The following CYP27A1 variants were observed in gnomAD, a reference collection of about 807,000 sequenced individuals.
The protein encoded by CYP27A1 is sterol 26-hydroxylase, mitochondrial.
CYP27A1 carries 46 observed loss-of-function variants against 58.2 expected under a neutral mutation model. That is an observed-to-expected ratio of 0.79 (90% CI 0.62 to 1.01). CYP27A1 has a LOEUF of 1.01. Ranked by LOEUF, CYP27A1 falls within the 50% of genes least tolerant of loss-of-function variation. The probability of loss-of-function intolerance (pLI) is 0.00; values close to 1 mark genes in which losing one functional copy is unlikely to be tolerated. For synonymous variants in CYP27A1, 274 were observed against 285.1 expected, an observed-to-expected ratio of 0.96 and a Z score of 0.39; for missense variants, 704 against 687.0, an observed-to-expected ratio of 1.02 and a Z score of -0.28.
At chr2:218,786,076 C>T (rs1943437830) in intron 1 of CYP27A1, among the ~76,000 whole-genome samples, 1 of 152,140 alleles carries the variant, frequency 6.6e-6, no homozygotes, top group African/African-American at 2.4e-5. Context: ...CCCTTGAGTT[C>T]AGGAGTTTGA....
intron 1 of CYP27A1, among the ~76,000 whole-genome samples, chr2:218,786,268 C>T (rs1943439656): frequency 6.6e-6 from 1 of 152,094 alleles, no homozygotes. Flanking sequence ...CCCTAATTAG[C>T]TTACCTCTGT....
chr2:218,800,495 C>T (rs1020795095), intron 1 of CYP27A1, among the ~76,000 whole-genome samples: 2 of 152,044 alleles, frequency 1.3e-5, no homozygotes, highest in African/African-American at 2.4e-5. Flanking sequence ...TAAAAATTAC[C>T]TTTAAAAAAA....
intron 1 of CYP27A1, among the ~76,000 whole-genome samples, chr2:218,800,535 T>C (rs2105975348): frequency 6.6e-6 from 1 of 152,336 alleles, no homozygotes; most frequent in Non-Finnish European, 1.5e-5. Context: ...GATTACATGC[T>C]AATTTTGTGG....
chr2:218,791,259 G>A (rs1432747883), intron 1 of CYP27A1, among the ~76,000 whole-genome samples: 1 of 152,204 alleles, frequency 6.6e-6, no homozygotes, highest in South Asian at 2.1e-4. Context: ...CATGATGTAG[G>A]TTAACAGGAG....
intron 2 of CYP27A1, among the ~76,000 whole-genome samples, chr2:218,810,344 G>C (rs6709815): frequency 1.3e-5 from 2 of 151,960 alleles, no homozygotes; most frequent in African/African-American, 4.8e-5. Flanking sequence ...TTAGGTTGCA[G>C]GTTTTCACTG....
At position 218,814,024 on chromosome 2, in the gene CYP27A1, T is replaced by C. The variant is rs1270852279; in HGVS notation, c.1021T>C (p.Ser341Pro). The C allele has an allele frequency of 6.2e-7, 1 of 1,614,136 alleles. No homozygotes were observed. Among genetic ancestry groups the C allele is most frequent in the Non-Finnish European group, 8.5e-7 (1 of 1,180,028 alleles). Residue 341 changes from serine to proline, a missense_variant, in exon 6 of 9, where the codon TCC becomes CCC. By Grantham distance (74) the Ser-to-Pro change is moderately conservative (BLOSUM62 -1). Coordinates refer to ENST00000258415, the MANE Select transcript of CYP27A1 (RefSeq NM_000784.4). ...GATCTCCCACTCTATCTTCTAGACA[T>C]CCAACACGCTGACATGGGCCCTGTA... ...ELLMAGVDTTSNTLTWALYHL... is the reference protein window; with the variant it reads ...ELLMAGVDTTPNTLTWALYHL...
intron 1 of CYP27A1, among the ~76,000 whole-genome samples, chr2:218,808,704 A>G (rs1943675572): frequency 6.6e-6 from 1 of 152,094 alleles, no homozygotes; most frequent in Admixed American, 6.6e-5. Context: ...ATTTTCTTTC[A>G]GTTTGTAGGT....
intron 1 of CYP27A1, among the ~76,000 whole-genome samples, chr2:218,798,540 A>G (rs1943568212): frequency 6.6e-6 from 1 of 152,196 alleles, no homozygotes; most frequent in South Asian, 2.1e-4. Flanking sequence ...GAAGTAGGCA[A>G]GTCAAATAGT....
chr2:218,802,428 A>G (rs1298102206), intron 1 of CYP27A1, among the ~76,000 whole-genome samples: 1 of 151,886 alleles, frequency 6.6e-6, no homozygotes, highest in Non-Finnish European at 1.5e-5. Flanking sequence ...TTTACTTCCT[A>G]TAAGGTCTTT....
chr2:218,788,192 G>T (rs955995870), intron 1 of CYP27A1, among the ~76,000 whole-genome samples: 1 of 152,208 alleles, frequency 6.6e-6, no homozygotes, highest in Non-Finnish European at 1.5e-5. Context: ...GAGTTTTCTA[G>T]TTGCATGTTT....
chr2:218,785,268 C>A (rs756070709), intron 1 of CYP27A1, among the ~76,000 whole-genome samples: 2 of 152,160 alleles, frequency 1.3e-5, no homozygotes, highest in Non-Finnish European at 2.9e-5. Flanking sequence ...GGAGGCAGAG[C>A]TCAGGTGGTC....
chr2:218,784,092 G>A (rs1260969980), intron 1 of CYP27A1, among the ~76,000 whole-genome samples: 1 of 152,132 alleles, frequency 6.6e-6, no homozygotes, highest in Non-Finnish European at 1.5e-5. Context: ...GAGAAAACTG[G>A]AATGGAGGTT....
chr2:218,799,196 C>G (rs1387673302), intron 1 of CYP27A1, among the ~76,000 whole-genome samples: 2 of 152,000 alleles, frequency 1.3e-5, no homozygotes, highest in Non-Finnish European at 2.9e-5. Context: ...CTCTGCAACT[C>G]TTCTCCATGC....
intron 1 of CYP27A1, among the ~76,000 whole-genome samples, chr2:218,785,723 G>C (rs1335348354): frequency 6.6e-6 from 1 of 152,082 alleles, no homozygotes; most frequent in Admixed American, 6.6e-5. Flanking sequence ...ACGAACCTGG[G>C]CCATCCCATG....
At chr2:218,804,371 C>T (rs556855586) in intron 1 of CYP27A1, among the ~76,000 whole-genome samples, 95 of 152,318 alleles carry the variant, frequency 6.2e-4, no homozygotes, top group Non-Finnish European at 1.2e-3. Context: ...TAGTGTATTT[C>T]TGAATTCTCA....
At chr2:218,811,296 C>T (rs952907796) in intron 2 of CYP27A1, among the ~76,000 whole-genome samples, 27 of 152,156 alleles carry the variant, frequency 1.8e-4, no homozygotes, top group African/African-American at 6.5e-4. Flanking sequence ...TGTATTCTCC[C>T]CTCTTTATCC....
intron 2 of CYP27A1, 68 bp downstream of exon 2, chr2:218,809,835 G>C (rs1008209380): frequency 7.8e-5 from 114 of 1,465,486 alleles, no homozygotes; most frequent in Admixed American, 1.9e-4. Flanking sequence ...GTGGGCACAG[G>C]GCAGGCAGGT....
intron 2 of CYP27A1, among the ~76,000 whole-genome samples, chr2:218,810,091 C>T (rs1398428546): frequency 6.6e-6 from 1 of 151,978 alleles, no homozygotes; most frequent in African/African-American, 2.4e-5. Flanking sequence ...TCAGCTTGGC[C>T]AACACGGTGA....
intron 2 of CYP27A1, among the ~76,000 whole-genome samples, chr2:218,811,790 T>C (rs980091073): frequency 6.6e-6 from 1 of 152,240 alleles, no homozygotes; most frequent in Non-Finnish European, 1.5e-5. Context: ...AATTCCAAGA[T>C]AATCAGTCAA....
Sources: gnomAD v4.1 joint callset for allele counts (sites outside exome capture counted in the v4.1 genomes callset) on GRCh38, gnomAD v4.1.1 for gene constraint, MANE v1.5 for transcripts, NCBI Gene and HGNC (gene_info 2026-07-23, HGNC 2026-07-21) for gene names.